TMEM38A: variants seen among roughly 807,000 people sequenced by gnomAD.
The protein encoded by TMEM38A is trimeric intracellular cation channel type A.
A neutral mutation model predicts 28.6 loss-of-function variants in TMEM38A; 17 were observed. The ratio of observed to expected loss-of-function variants is 0.60; its 90% CI spans 0.41 to 0.89. The LOEUF (loss-of-function observed/expected upper bound fraction) is 0.89, where lower values mean the gene tolerates loss of function less well. TMEM38A is among the 40% of genes least tolerant of loss of function. The probability of loss-of-function intolerance (pLI) is 0.00; values close to 1 mark genes in which losing one functional copy is unlikely to be tolerated. For missense variants in TMEM38A, 328 were observed against 393.1 expected, an observed-to-expected ratio of 0.83 and a Z score of 1.40; for synonymous variants, 169 against 166.1, an observed-to-expected ratio of 1.02 and a Z score of -0.14.
intron 1 of TMEM38A, among the ~76,000 whole-genome samples, chr19:16,668,502 CAA>C (rs1215843373): frequency 0.023 from 1,721 of 73,656 alleles, 22 homozygotes; most frequent in Middle Eastern, 0.057. Flanking sequence ...GACTCTGTCT[CAA>C]AAAAAAAAAA....
chr19:16,676,411 G>T (rs187252407), intron 1 of TMEM38A, among the ~76,000 whole-genome samples: 21 of 152,316 alleles, frequency 1.4e-4, no homozygotes, highest in Non-Finnish European at 2.2e-4. Flanking sequence ...TGTCAATACT[G>T]ACTGTAGTTT....
intron 1 of TMEM38A, among the ~76,000 whole-genome samples, chr19:16,676,649 T>C (rs1040274609): frequency 2.0e-5 from 3 of 151,600 alleles, no homozygotes; most frequent in African/African-American, 7.3e-5. Flanking sequence ...AACATAAGGA[T>C]AGAACTATTT....
Position 16,679,676 on chromosome 19 carries a change from G to A in TMEM38A, c.125-308G>A, listed in dbSNP as rs368759501. On this transcript the variant is annotated intron_variant, in intron 1 of 5. Transcript: ENST00000187762. ...GTCTCCTCTTGACAATGAGACTCCT[G>A]ATAATAAAAGCCATCACTTGGCTGG... is the stretch of plus-strand genomic sequence containing the variant. 8.5e-5 allele frequency among the ~76,000 whole-genome samples: 13 copies of A among 152,192 alleles called. No individual in the cohort carries two copies. In the East Asian group the frequency reaches 1.9e-3, roughly 23 times the overall value.
At chr19:16,683,299 T>C (rs1329435423) in intron 4 of TMEM38A, among the ~76,000 whole-genome samples, 1 of 151,948 alleles carries the variant, frequency 6.6e-6, no homozygotes, top group Admixed American at 6.6e-5. Context: ...TTAAAAGACC[T>C]TGTTGGGGGC....
At chr19:16,676,631 G>A (rs927679480) in intron 1 of TMEM38A, among the ~76,000 whole-genome samples, 2 of 151,864 alleles carry the variant, frequency 1.3e-5, no homozygotes, top group Admixed American at 6.6e-5. Context: ...AGAAGATTAC[G>A]AAGATACAAC....
chr19:16,687,976 C>T lies in TMEM38A; in HGVS notation c.673-168C>T, dbSNP rs916835370. 5.3e-5 allele frequency among the ~76,000 whole-genome samples: 8 copies of T among 152,090 alleles called. No individual in the cohort carries two copies. The East Asian group carries it at 7.7e-4, about 15-fold the overall frequency. ...TCCTGGGAAACCTGAGATGGTCGCC[C>T]ATCATCCTGGGGGTGCATGCAGCCA... On this transcript the variant is annotated intron_variant, in intron 5 of 5. Coordinates refer to ENST00000187762, the MANE Select transcript of TMEM38A (RefSeq NM_024074.4).
chr19:16,683,173 C>T (rs765736677), intron 4 of TMEM38A, among the ~76,000 whole-genome samples: 2 of 151,982 alleles, frequency 1.3e-5, no homozygotes, highest in African/African-American at 4.8e-5. Flanking sequence ...GGGGTTTCAC[C>T]ATGTTGGTCA....
chr19:16,671,996 T>C lies in TMEM38A; in HGVS notation c.125-7988T>C, dbSNP rs1047163841. ...CCACCAGCTGCTCTGAGGGATTAAC[T>C]CTCAGCCAGTTGTGTTTTAAATAGA... is the stretch of plus-strand genomic sequence containing the variant. On this transcript the variant is annotated intron_variant, in intron 1 of 5. Coordinates refer to ENST00000187762, the MANE Select transcript of TMEM38A (RefSeq NM_024074.4). Among the ~76,000 whole-genome samples, 8 of 152,208 alleles carry C rather than the reference T, an allele frequency of 5.3e-5. No individual in the cohort carries two copies. The East Asian group carries it at 9.6e-4, about 18-fold the overall frequency.
chr19:16,663,174 G>C (rs2086689448), intron 1 of TMEM38A, among the ~76,000 whole-genome samples: 1 of 151,810 alleles, frequency 6.6e-6, no homozygotes, highest in Admixed American at 6.6e-5. Context: ...CTAGCTGCTT[G>C]GGAGGCTGAG....
intron 1 of TMEM38A, among the ~76,000 whole-genome samples, chr19:16,668,069 C>A (rs563587225): frequency 1.3e-5 from 2 of 151,714 alleles, no homozygotes; most frequent in Admixed American, 6.6e-5. Context: ...ATTAGCCAGG[C>A]GTGATGGCGG....
chr19:16,665,408 G>A (rs2086698722), intron 1 of TMEM38A, among the ~76,000 whole-genome samples: 1 of 151,842 alleles, frequency 6.6e-6, no homozygotes, highest in African/African-American at 2.4e-5. Flanking sequence ...AGGATTACCT[G>A]AACCCTGCAA....
intron 4 of TMEM38A, among the ~76,000 whole-genome samples, chr19:16,684,943 G>C (rs1036666038): frequency 2.0e-5 from 3 of 151,788 alleles, no homozygotes; most frequent in South Asian, 2.1e-4. Flanking sequence ...TAGCTACTTG[G>C]GGGGCTGAGG....
At chr19:16,670,229 A>G (rs142930135) in intron 1 of TMEM38A, among the ~76,000 whole-genome samples, 8,394 of 149,418 alleles carry the variant, frequency 0.056, 417 homozygotes, top group East Asian at 0.25. Flanking sequence ...CGGTCTCCCA[A>G]AGTGCTGGGA....
intron 1 of TMEM38A, among the ~76,000 whole-genome samples, chr19:16,665,317 A>T (rs73518920): frequency 0.015 from 2,353 of 152,122 alleles, 57 homozygotes; most frequent in African/African-American, 0.053. Flanking sequence ...AATAAAAATT[A>T]AAAAATGCAA....
chr19:16,662,637 A>G (rs1260457316), intron 1 of TMEM38A, among the ~76,000 whole-genome samples: 1 of 151,822 alleles, frequency 6.6e-6, no homozygotes, highest in African/African-American at 2.4e-5. Context: ...TATTTTTAGT[A>G]GAGACAAGCC....
At chr19:16,671,738 A>G (rs951298560) in intron 1 of TMEM38A, among the ~76,000 whole-genome samples, 1 of 152,218 alleles carries the variant, frequency 6.6e-6, no homozygotes. Flanking sequence ...CCGGCATGTG[A>G]CTTTTATAGC....
chr19:16,684,149 G>GAT (rs895959759), intron 4 of TMEM38A, among the ~76,000 whole-genome samples: 2 of 151,742 alleles, frequency 1.3e-5, no homozygotes, highest in African/African-American at 4.8e-5. Flanking sequence ...AACAGAGAGA[G>GAT]AGAGAGAGAG....
rs776496754 is a variant in TMEM38A at position 16,682,521 on chromosome 19, C to T, written c.554+13C>T. 3 of 1,612,234 alleles carry T rather than the reference C, an allele frequency of 1.9e-6. No homozygotes were observed. In the Admixed American group the frequency reaches 5.0e-5, roughly 27 times the overall value. On this transcript the variant is annotated intron_variant, in intron 4 of 5. Coordinates refer to ENST00000187762, the MANE Select transcript of TMEM38A (RefSeq NM_024074.4). ...TGCACATGTCTTTGTGAGTATCCCA[C>T]TCCACCTCTCCCTCCATGCCTCCTG...
chr19:16,689,570 T>TATCTGG lies in TMEM38A; in HGVS notation c.*1202_*1203insTGGATC, dbSNP rs1952851190. ...TGGTTGGGGTTCCACGATCCAGCTC[T>TATCTGG]ATCAAGGGGCTCTGAGTGTGCACAG... On this transcript the variant is annotated 3_prime_UTR_variant, in exon 6 of 6. Transcript: ENST00000187762. The TATCTGG allele has an allele frequency of 6.6e-6, 1 of 152,210 alleles. No individual in the cohort carries two copies. Among genetic ancestry groups the TATCTGG allele is most frequent in the African/African-American group, 2.4e-5 (1 of 41,460 alleles). The allele number at this position is 152,210 out of a possible 1,614,324, so 9.4% of individuals were successfully genotyped here.
Sources: allele counts gnomAD v4.1 joint callset (sites outside exome capture counted in the v4.1 genomes callset), GRCh38; gene constraint gnomAD v4.1.1; transcripts MANE v1.5; gene names NCBI Gene and HGNC (gene_info 2026-07-23, HGNC 2026-07-21).